Variants in DNAH14 observed in about 807,000 individuals in gnomAD.
DNAH14 encodes axonemal beta dynein heavy chain 14.
DNAH14 carries 478 observed loss-of-function variants against 520.9 expected under a neutral mutation model. The ratio of observed to expected loss-of-function variants is 0.92; its 90% CI spans 0.85 to 0.99. DNAH14 has a LOEUF of 0.99. DNAH14 is among the 50% of genes least tolerant of loss of function. The pLI is 0.00. For missense variants in DNAH14, 4,831 were observed against 5,234.5 expected, an observed-to-expected ratio of 0.92 and a Z score of 2.38; for synonymous variants, 1,581 against 1,757.2, an observed-to-expected ratio of 0.90 and a Z score of 2.51.
At chr1:225,272,916 AT>A (rs772122610) in intron 51 of DNAH14, 38 bp from the exon 52 acceptor site, 29 of 1,487,888 alleles carry the variant, frequency 1.9e-5, no homozygotes, top group East Asian at 7.7e-5. Flanking sequence ...TACCCTGCTA[AT>A]TTTTTTTAAA....
chr1:225,019,551 T>C (rs1225992545), intron 10 of DNAH14, among the ~76,000 whole-genome samples: 1 of 152,162 alleles, frequency 6.6e-6, no homozygotes. Context: ...GACTTAAACT[T>C]GATACTTGAC....
At chr1:224,946,858 G>A (rs1404500026) in intron 1 of DNAH14, among the ~76,000 whole-genome samples, 2 of 144,498 alleles carry the variant, frequency 1.4e-5, no homozygotes, top group African/African-American at 2.6e-5. Flanking sequence ...TTTCCTAGCT[G>A]GATTATTTTT....
intron 81 of DNAH14, among the ~76,000 whole-genome samples, chr1:225,383,635 G>A (rs1029199818): frequency 2.0e-5 from 3 of 152,218 alleles, no homozygotes; most frequent in South Asian, 2.1e-4. Flanking sequence ...ATTCAGAGAC[G>A]AGGTGAGCAG....
intron 36 of DNAH14, among the ~76,000 whole-genome samples, chr1:225,178,783 G>C (rs1266219089): frequency 6.6e-6 from 1 of 152,074 alleles, no homozygotes; most frequent in East Asian, 1.9e-4. Flanking sequence ...GAGGGACCAG[G>C]GGTGGAATGA....
intron 10 of DNAH14, among the ~76,000 whole-genome samples, chr1:225,021,126 C>T (rs1174501159): frequency 6.6e-6 from 1 of 152,164 alleles, no homozygotes; most frequent in Admixed American, 6.6e-5. Context: ...TCTCAACAAG[C>T]TGGGCATTGA....
chr1:224,981,471 A>G (rs560083095), intron 8 of DNAH14, among the ~76,000 whole-genome samples: 2 of 151,792 alleles, frequency 1.3e-5, no homozygotes, highest in Non-Finnish European at 2.9e-5. Context: ...GCTGCTTGTT[A>G]TTGGTCTGTT....
At chr1:224,931,030 G>A (rs1346856783) in intron 1 of DNAH14, among the ~76,000 whole-genome samples, 1 of 152,238 alleles carries the variant, frequency 6.6e-6, no homozygotes, top group Non-Finnish European at 1.5e-5. Flanking sequence ...GGAGATGACA[G>A]CTCCATGTGT....
In DNAH14 at chr1:225,144,593, AC is replaced by A; in HGVS notation, c.4706del (p.Thr1569LysfsTer10). The A allele has an allele frequency of 6.4e-7, 1 of 1,551,508 alleles. No homozygotes were observed. The highest frequency in any genetic ancestry group is 1.2e-5 in the South Asian group (1 of 84,048). On this transcript the variant is annotated frameshift_variant, in exon 29 of 86. Transcript: ENST00000682510. LOFTEE classifies it high-confidence loss of function. ...AGGCTGTCCTGCCGGTCCAGCTGGT[AC>A]AGGAAAAACTGAGACTGTCAAAGAT... Reference protein sequence around the residue: ...LGGCPAGPAGTGKTETVKDLA... With the variant: ...LGGCPAGPAGXGKTETVKDLA...
intron 7 of DNAH14, chr1:224,969,643 G>T: frequency 3.7e-6 from 1 of 269,178 alleles, no homozygotes; most frequent in South Asian, 1.5e-4. Flanking sequence ...GGAAGTCAGG[G>T]ACCCCGAACG....
At chr1:225,150,231 C>T (rs2080356362) in intron 31 of DNAH14, among the ~76,000 whole-genome samples, 1 of 152,154 alleles carries the variant, frequency 6.6e-6, no homozygotes, top group Admixed American at 6.5e-5. Flanking sequence ...ACCTTGCACC[C>T]CAGGCATAAA....
chr1:225,002,889 G>C lies in DNAH14; in HGVS notation c.937G>C (p.Asp313His). The change falls in exon 9 of 86, where the codon GAC (aspartate) becomes CAC (histidine). Residue 313 changes from aspartate to histidine, a missense_variant. Asp to His is a moderately conservative substitution (Grantham distance 81, BLOSUM62 -1). Transcript: ENST00000682510. ...EDAINLKNYN[D>H]HENNLSAICL... ...TGCAATTAATCTCAAAAATTATAATGACCATGAAAATAATCTATCTGCCAT... is the reference window on the plus strand; with the variant it reads ...TGCAATTAATCTCAAAAATTATAATCACCATGAAAATAATCTATCTGCCAT... The C allele has an allele frequency of 6.5e-7, 1 of 1,549,210 alleles. No individual in the cohort carries two copies. The highest frequency in any genetic ancestry group is 8.7e-7 in the Non-Finnish European group (1 of 1,145,528).
At chr1:225,134,144 CTAGA>C (rs986892494) in intron 27 of DNAH14, among the ~76,000 whole-genome samples, 1 of 152,128 alleles carries the variant, frequency 6.6e-6, no homozygotes, top group African/African-American at 2.4e-5. Context: ...ATGGGGTTTT[CTAGA>C]TAGAGGATCA....
chr1:225,101,232 GTAGA>G (rs894465728), intron 23 of DNAH14, among the ~76,000 whole-genome samples: 18 of 150,508 alleles, frequency 1.2e-4, no homozygotes, highest in African/African-American at 3.7e-4. Flanking sequence ...TTTAATTTTT[GTAGA>G]TAGATAGTAG....
chr1:225,265,408 G>T, intron 48 of DNAH14, 39 bp downstream of exon 48: 1 of 1,451,078 alleles, frequency 6.9e-7, no homozygotes, highest in Non-Finnish European at 9.1e-7. Flanking sequence ...ATCTGCTTAG[G>T]CTAGTCAAGT....
intron 27 of DNAH14, among the ~76,000 whole-genome samples, chr1:225,132,058 T>C (rs2078475702): frequency 6.6e-6 from 1 of 152,166 alleles, no homozygotes; most frequent in Admixed American, 6.6e-5. Context: ...TGAGTAATCA[T>C]TTAAAAAAGT....
chr1:225,271,308 G>T (rs1470278047), intron 50 of DNAH14, among the ~76,000 whole-genome samples: 2 of 151,948 alleles, frequency 1.3e-5, no homozygotes, highest in Admixed American at 1.3e-4. Context: ...TTTTTCAGGT[G>T]CGAACTATTT....
intron 1 of DNAH14, among the ~76,000 whole-genome samples, chr1:224,949,431 G>T (rs1186040001): frequency 6.6e-6 from 1 of 151,892 alleles, no homozygotes; most frequent in Non-Finnish European, 1.5e-5. Context: ...TGAAACTGAA[G>T]GTTTATGTCT....
chr1:225,135,878 T>C (rs954303369), intron 27 of DNAH14, among the ~76,000 whole-genome samples: 1 of 152,184 alleles, frequency 6.6e-6, no homozygotes, highest in Non-Finnish European at 1.5e-5. Context: ...TAGTTATCAC[T>C]TGTTGAATTG....
At chr1:225,074,219 T>C (rs111356544) in intron 17 of DNAH14, among the ~76,000 whole-genome samples, 7,972 of 151,876 alleles carry the variant, frequency 0.052, 318 homozygotes, top group Non-Finnish European at 0.077. Flanking sequence ...CGGGATGGTC[T>C]CGATCTCCTG....
Sources: allele counts gnomAD v4.1 joint callset (sites outside exome capture counted in the v4.1 genomes callset), GRCh38; gene constraint gnomAD v4.1.1; transcripts MANE v1.5; gene names NCBI Gene and HGNC (gene_info 2026-07-23, HGNC 2026-07-21).